SRGAP3: variants seen among roughly 807,000 people sequenced by gnomAD.
SRGAP3 encodes the protein SLIT-ROBO Rho GTPase-activating protein 3.
A neutral mutation model predicts 121.1 loss-of-function variants in SRGAP3; 39 were observed. That is an observed-to-expected ratio of 0.32 (90% CI 0.25 to 0.42). The LOEUF is 0.42. Ranked by LOEUF, SRGAP3 falls within the 10% of genes least tolerant of loss-of-function variation. The probability of loss-of-function intolerance (pLI) is 1.00; values close to 1 mark genes in which losing one functional copy is unlikely to be tolerated. For synonymous variants in SRGAP3, 601 were observed against 570.0 expected (o/e 1.05, Z -0.77); for missense variants, 1,213 against 1,470.6 (o/e 0.82, Z 2.86).
At chr3:9,198,728 G>T (rs191826354) in intron 1 of SRGAP3, among the ~76,000 whole-genome samples, 1 of 152,306 alleles carries the variant, frequency 6.6e-6, no homozygotes, top group Admixed American at 6.5e-5. Flanking sequence ...CAAGGAAGAG[G>T]TTGCAGGGCC....
chr3:9,346,091 T>C lies in SRGAP3; in HGVS notation n.215-15495A>G, dbSNP rs75352525. On this transcript the variant is annotated intron_variant and non_coding_transcript_variant, in intron 1 of 3. Coordinates refer to the SRGAP3 transcript ENST00000490889. ...AAAAAACGTGCAGTAGTGCCAAGTA[T>C]TGAAAACTTTGCTCTTCACAGAAAG... 4.6e-5 allele frequency among the ~76,000 whole-genome samples: 7 copies of C among 152,332 alleles called. No individual in the cohort carries two copies. In the East Asian group the frequency reaches 1.2e-3, roughly 25 times the overall value.
intron 1 of SRGAP3, among the ~76,000 whole-genome samples, chr3:9,136,344 C>T (rs939139076): frequency 8.6e-5 from 13 of 151,630 alleles, no homozygotes; most frequent in Admixed American, 7.2e-4. Context: ...CAGCAGATGC[C>T]GGGCCGGGGT....
intron 1 of SRGAP3, chr3:9,348,810 C>A: frequency 1.5e-6 from 2 of 1,372,070 alleles, no homozygotes; most frequent in Non-Finnish European, 1.0e-6. Flanking sequence ...GTCCCACCAC[C>A]TCTAATGGAG....
chr3:9,166,846 C>G (rs779942792), intron 1 of SRGAP3, among the ~76,000 whole-genome samples: 1 of 152,120 alleles, frequency 6.6e-6, no homozygotes, highest in Non-Finnish European at 1.5e-5. Context: ...GACTTCATTT[C>G]TTCATCCTCA....
chr3:9,009,921 G>C (rs1943276814), intron 18 of SRGAP3, among the ~76,000 whole-genome samples: 4 of 152,198 alleles, frequency 2.6e-5, no homozygotes, highest in Admixed American at 2.6e-4. Context: ...GTTCATCCCT[G>C]TGCCCAAGTC....
At chr3:9,206,466 C>G (rs1952269390) in intron 1 of SRGAP3, among the ~76,000 whole-genome samples, 1 of 152,214 alleles carries the variant, frequency 6.6e-6, no homozygotes, top group Non-Finnish European at 1.5e-5. Context: ...CTCAGCACAA[C>G]AGTCACAAAT....
chr3:9,244,622 T>C (rs145505890), intron 1 of SRGAP3, among the ~76,000 whole-genome samples: 30 of 152,244 alleles, frequency 2.0e-4, no homozygotes, highest in African/African-American at 7.0e-4. Context: ...TCAGTGATCT[T>C]TGAGGGAATT....
intron 1 of SRGAP3, among the ~76,000 whole-genome samples, chr3:9,230,516 C>T (rs1301902509): frequency 6.6e-6 from 1 of 152,154 alleles, no homozygotes; most frequent in African/African-American, 2.4e-5. Flanking sequence ...GTTATGAACT[C>T]ATCTAATGGT....
chr3:9,232,384 CT>C (rs960988291), intron 1 of SRGAP3, among the ~76,000 whole-genome samples: 48 of 152,016 alleles, frequency 3.2e-4, no homozygotes, highest in Admixed American at 5.9e-4. Flanking sequence ...CTTCTTTCCC[CT>C]GTCCCCTGAC....
At chr3:9,144,559 T>C (rs908170701) in intron 1 of SRGAP3, among the ~76,000 whole-genome samples, 3 of 152,214 alleles carry the variant, frequency 2.0e-5, no homozygotes, top group Non-Finnish European at 2.9e-5. Flanking sequence ...CATGGGGGCC[T>C]ATCTTTCCCA....
At chr3:9,206,259 C>G (rs566951038) in intron 1 of SRGAP3, among the ~76,000 whole-genome samples, 1 of 152,284 alleles carries the variant, frequency 6.6e-6, no homozygotes, top group South Asian at 2.1e-4. Flanking sequence ...CACAACAAAC[C>G]TACTCCATAA....
chr3:9,214,100 C>G (rs1952535230), intron 1 of SRGAP3, among the ~76,000 whole-genome samples: 1 of 139,640 alleles, frequency 7.2e-6, no homozygotes. Context: ...TGTCTTCTGT[C>G]ACCCCTACCC....
chr3:8,982,332 A>C lies in SRGAP3; in HGVS notation c.*3187T>G. The C allele has an allele frequency of 1.3e-5, 3 of 227,838 alleles. No homozygotes were observed. Among genetic ancestry groups the C allele is most frequent in the Non-Finnish European group, 1.7e-5 (2 of 114,356 alleles). 14.1% of individuals were successfully genotyped at this position (227,838 alleles called of 1,614,324 possible). On this transcript the variant is annotated 3_prime_UTR_variant, in exon 22 of 22. Transcript: ENST00000383836. ...CAACTAACTGATCAGTACGGCTTTC[A>C]ATAATGGTGATGAACAAGTAGGTAA... is the stretch of plus-strand genomic sequence containing the variant.
chr3:9,244,538 A>G (rs1297016634), intron 1 of SRGAP3, among the ~76,000 whole-genome samples: 6 of 152,188 alleles, frequency 3.9e-5, no homozygotes, highest in South Asian at 2.1e-4. Context: ...AGAACTAACC[A>G]TCATGTCTGG....
intron 14 of SRGAP3, among the ~76,000 whole-genome samples, chr3:9,021,050 C>T (rs1180433560): frequency 6.6e-6 from 1 of 152,222 alleles, no homozygotes; most frequent in Non-Finnish European, 1.5e-5. Flanking sequence ...CAGTCTCTCT[C>T]ATGAGGGCAG....
intron 1 of SRGAP3, chr3:9,192,435 A>AT (rs1951780485): frequency 1.3e-5 from 2 of 152,180 alleles, no homozygotes; most frequent in Admixed American, 1.3e-4. Flanking sequence ...TGGGTGACTC[A>AT]TACCTCCGTG....
At chr3:9,244,235 C>T (rs1185005152) in intron 1 of SRGAP3, among the ~76,000 whole-genome samples, 2 of 152,094 alleles carry the variant, frequency 1.3e-5, no homozygotes, top group Non-Finnish European at 2.9e-5. Flanking sequence ...CAAGAAAACT[C>T]TTAGAAAGCA....
At chr3:9,065,439 A>G (rs1220782965) in intron 4 of SRGAP3, 1 of 152,232 alleles carries the variant, frequency 6.6e-6, no homozygotes, top group East Asian at 1.9e-4. Flanking sequence ...CAGGACCACA[A>G]GCAAAATATA....
At chr3:9,319,316 G>C (rs562379954) in intron 3 of SRGAP3, among the ~76,000 whole-genome samples, 89 of 151,998 alleles carry the variant, frequency 5.9e-4, no homozygotes, top group African/African-American at 2.1e-3. Context: ...ACAGAGGGAG[G>C]CCTGTCAGTG....
Sources: allele counts gnomAD v4.1 joint callset (sites outside exome capture counted in the v4.1 genomes callset), GRCh38; gene constraint gnomAD v4.1.1; transcripts MANE v1.5; gene names NCBI Gene and HGNC (gene_info 2026-07-23, HGNC 2026-07-21).